MYO9A: variants seen among roughly 807,000 people sequenced by gnomAD.
MYO9A encodes myosin IXA.
A neutral mutation model predicts 293.3 loss-of-function variants in MYO9A; 103 were observed. The ratio of observed to expected loss-of-function variants is 0.35; its 90% CI spans 0.30 to 0.41. The LOEUF (loss-of-function observed/expected upper bound fraction) is 0.41. Among genes scored for constraint, MYO9A ranks in the 10% least tolerant of loss-of-function variants. The pLI is 1.00. For missense variants in MYO9A, 2,685 were observed against 3,033.0 expected (o/e 0.89, Z 2.69); for synonymous variants, 1,001 against 1,035.7 (o/e 0.97, Z 0.64).
At chr15:71,941,388 T>G (rs1025975426) in intron 15 of MYO9A, among the ~76,000 whole-genome samples, 6 of 151,694 alleles carry the variant, frequency 4.0e-5, no homozygotes, top group Non-Finnish European at 8.8e-5. Flanking sequence ...TGAGCCAAGA[T>G]CGCGCCATTG....
At chr15:72,018,719 A>C (rs1362114322) in intron 6 of MYO9A, among the ~76,000 whole-genome samples, 1 of 152,222 alleles carries the variant, frequency 6.6e-6, no homozygotes, top group Admixed American at 6.5e-5. Flanking sequence ...GGGGAAAAAA[A>C]CCATAGTTCA....
chr15:72,106,114 T>G (rs2080559760), intron 1 of MYO9A, among the ~76,000 whole-genome samples: 1 of 152,170 alleles, frequency 6.6e-6, no homozygotes, highest in Non-Finnish European at 1.5e-5. Context: ...TTAGGATGAT[T>G]AATCAAAGAC....
chr15:71,912,765 T>C (rs1461328716), intron 19 of MYO9A, among the ~76,000 whole-genome samples: 6 of 152,346 alleles, frequency 3.9e-5, no homozygotes, highest in African/African-American at 1.2e-4. Context: ...AAAGATACAT[T>C]CACCACACAT....
At chr15:72,112,949 A>G (rs2080834351) in intron 1 of MYO9A, among the ~76,000 whole-genome samples, 1 of 152,168 alleles carries the variant, frequency 6.6e-6, no homozygotes. Flanking sequence ...TTATATTTTT[A>G]GGCTGGGCAC....
intron 11 of MYO9A, among the ~76,000 whole-genome samples, chr15:71,986,158 T>C (rs1044113260): frequency 6.6e-6 from 1 of 152,160 alleles, no homozygotes; most frequent in Non-Finnish European, 1.5e-5. Context: ...TTAGAAACAG[T>C]ATAGCAACTA....
At chr15:72,001,553 CAAAAAA>C (rs199812533) in intron 8 of MYO9A, among the ~76,000 whole-genome samples, 2 of 102,514 alleles carry the variant, frequency 2.0e-5, no homozygotes, top group South Asian at 3.4e-4. Flanking sequence ...GACTCCATCT[CAAAAAA>C]AAAAAAAAAA....
At chr15:71,925,006 T>C (rs2058254939) in intron 18 of MYO9A, among the ~76,000 whole-genome samples, 1 of 152,096 alleles carries the variant, frequency 6.6e-6, no homozygotes, top group Admixed American at 6.5e-5. Context: ...TAGGTTCATA[T>C]ATCTTGAGTG....
chr15:72,060,619 G>T (rs71395058), intron 1 of MYO9A, among the ~76,000 whole-genome samples: 1 of 152,062 alleles, frequency 6.6e-6, no homozygotes, highest in African/African-American at 2.4e-5. Flanking sequence ...GAATTCAGCC[G>T]GCATCTATGG....
intron 1 of MYO9A, among the ~76,000 whole-genome samples, chr15:72,066,908 G>C (rs1475167777): frequency 1.3e-5 from 2 of 151,758 alleles, no homozygotes; most frequent in African/African-American, 4.8e-5. Flanking sequence ...GTTATTTGTG[G>C]TAAAAAGGAA....
At chr15:72,007,301 C>T in intron 8 of MYO9A, among the ~76,000 whole-genome samples, 1 of 151,698 alleles carries the variant, frequency 6.6e-6, no homozygotes, top group Non-Finnish European at 1.5e-5. Flanking sequence ...AATCATCACT[C>T]CAGGAAGAAA....
rs190800927 is a variant in MYO9A, at chr15:71,826,742, C to T, written c.7485G>A (p.Pro2495=). The stretch of plus-strand genomic sequence containing the variant: ...TCTTTAATTTTTGTTTGCCCTTTTC[C>T]GGGTTGAAGGTTCCTCTGCTGATGA... ...PQFISRGTFN[P]EKGKQKLKNV... is the part of the protein sequence containing the mutation. The change falls in exon 42 of 42, where the codon CCG becomes CCA. Residue 2495 remains proline, a synonymous_variant. Transcript: ENST00000356056. 53 of 1,614,054 alleles carry T rather than the reference C, an allele frequency of 3.3e-5. 2 individuals carry two copies. The Admixed American group carries it at 4.0e-4, about 12-fold the overall frequency.
chr15:72,020,856 AT>A, intron 5 of MYO9A, 61 bp downstream of exon 5: 1 of 1,050,008 alleles, frequency 9.5e-7, no homozygotes, highest in Non-Finnish European at 1.3e-6. Context: ...GAAAAAAGAC[AT>A]TTTTCAAGCA....
intron 4 of MYO9A, among the ~76,000 whole-genome samples, chr15:72,024,858 T>C (rs1006895407): frequency 2.6e-5 from 4 of 151,930 alleles, no homozygotes; most frequent in African/African-American, 9.7e-5. Context: ...GAAATTAAAA[T>C]GGTACACTAG....
chr15:71,960,126 T>C (rs368984611), intron 13 of MYO9A, 30 bp from the exon 14 acceptor site: 44 of 1,596,704 alleles, frequency 2.8e-5, no homozygotes, highest in Non-Finnish European at 3.6e-5. Context: ...GTGTTACTTA[T>C]GGGAAAAAAA....
chr15:71,829,568 A>AC (rs2054634622), intron 40 of MYO9A, among the ~76,000 whole-genome samples: 1 of 150,472 alleles, frequency 6.6e-6, no homozygotes. Flanking sequence ...GTATCCTAGC[A>AC]CCCTCTAGGG....
chr15:71,953,340 A>C (rs1432660920), intron 14 of MYO9A, among the ~76,000 whole-genome samples: 3 of 152,188 alleles, frequency 2.0e-5, no homozygotes, highest in African/African-American at 7.2e-5. Context: ...TTGAGGAAAA[A>C]ACACCCAGTG....
At position 71,904,000 on chromosome 15, in the gene MYO9A, G is replaced by A; in HGVS notation, c.2806C>T (p.Leu936Phe). 2 of 1,613,992 alleles carry A rather than the reference G, an allele frequency of 1.2e-6. No individual in the cohort carries two copies. Among genetic ancestry groups the A allele is most frequent in the Non-Finnish European group, 1.7e-6 (2 of 1,179,990 alleles). ...GTTTCCAGCATCCCGGTGTATCGAA[G>A]CTGTCTAAGTACCAAGACATCACTG... ...RFSDVLVLRQ[L>F]RYTGMLETVR... Residue 936 changes from leucine to phenylalanine, a missense_variant, in exon 21 of 42, where the codon CTT (leucine) becomes TTT (phenylalanine). Physicochemically the swap from Leu to Phe is conservative, Grantham distance 22. Coordinates refer to ENST00000356056, the MANE Select transcript of MYO9A (RefSeq NM_006901.4).
At chr15:71,907,005 CA>C (rs1282196235) in intron 19 of MYO9A, among the ~76,000 whole-genome samples, 2 of 148,908 alleles carry the variant, frequency 1.3e-5, no homozygotes, top group Non-Finnish European at 3.0e-5. Context: ...AGGTTAGTTA[CA>C]TATGTATACA....
chr15:71,999,237 A>T (rs1307547566), intron 9 of MYO9A, among the ~76,000 whole-genome samples: 2 of 152,162 alleles, frequency 1.3e-5, no homozygotes, highest in Non-Finnish European at 2.9e-5. Flanking sequence ...ACTACTCCAC[A>T]AAGTAGCAGC....
Sources: allele counts gnomAD v4.1 joint callset (sites outside exome capture counted in the v4.1 genomes callset), GRCh38; gene constraint gnomAD v4.1.1; transcripts MANE v1.5; gene names NCBI Gene and HGNC (gene_info 2026-07-23, HGNC 2026-07-21).